The following MALRD1 variants were observed in gnomAD, a reference collection of about 807,000 sequenced individuals.
MALRD1 encodes the protein MAM and LDL receptor class A domain containing 1, also known as MAM and LDL-receptor class A domain-containing protein 1.
A neutral mutation model predicts 242.1 loss-of-function variants in MALRD1; 247 were observed. The ratio of observed to expected loss-of-function variants is 1.02; its 90% CI spans 0.92 to 1.13. The LOEUF (loss-of-function observed/expected upper bound fraction) is 1.13. MALRD1 is among the 50% of genes most tolerant of loss of function. The pLI is 0.00. For missense variants in MALRD1, 2,989 were observed against 2,533.1 expected, an observed-to-expected ratio of 1.18 and a Z score of -3.86; for synonymous variants, 995 against 866.6, an observed-to-expected ratio of 1.15 and a Z score of -2.60.
chr10:19,623,146 A>G (rs1448276846), intron 36 of MALRD1, among the ~76,000 whole-genome samples: 2 of 152,080 alleles, frequency 1.3e-5, no homozygotes, highest in Admixed American at 1.3e-4. Flanking sequence ...GATAAAGTTA[A>G]TTACATAAAA....
chr10:19,200,384 A>G (rs559219481), intron 14 of MALRD1, among the ~76,000 whole-genome samples: 2 of 152,292 alleles, frequency 1.3e-5, no homozygotes, highest in African/African-American at 4.8e-5. Flanking sequence ...TCTGTGGCTA[A>G]TACCAGAAGG....
At chr10:19,145,973 T>C (rs148794070) in intron 10 of MALRD1, among the ~76,000 whole-genome samples, 1 of 152,118 alleles carries the variant, frequency 6.6e-6, no homozygotes, top group Admixed American at 6.6e-5. Context: ...CAGAATGAAA[T>C]GTACCAGACT....
chr10:19,204,372 A>T lies in MALRD1; in HGVS notation c.2169A>T (p.Pro723=). ...SLWQVAKLQS[P]TFSQTGPGCI... is the part of the protein sequence containing the mutation. ...GGCAAGTTGCTAAGCTTCAGAGCCC[A>T]ACTTTCAGCCAGACAGGACCTGGAT... The change falls in exon 16 of 40, where the codon CCA becomes CCT. Residue 723 remains proline, a synonymous_variant. Transcript: ENST00000454679. The T allele has an allele frequency of 6.5e-7, 1 of 1,546,852 alleles. No individual in the cohort carries two copies. Among genetic ancestry groups the T allele is most frequent in the Non-Finnish European group, 8.7e-7 (1 of 1,145,600 alleles).
chr10:19,194,537 T>C (rs1413849853), intron 14 of MALRD1, among the ~76,000 whole-genome samples: 1 of 152,128 alleles, frequency 6.6e-6, no homozygotes, highest in Non-Finnish European at 1.5e-5. Flanking sequence ...ACACGAGCTG[T>C]CTGGACACTT....
chr10:19,689,790 G>C (rs1206188978), intron 36 of MALRD1, among the ~76,000 whole-genome samples: 1 of 152,004 alleles, frequency 6.6e-6, no homozygotes, highest in Admixed American at 6.6e-5. Flanking sequence ...GATTTTACAA[G>C]GAAAATTGTT....
At chr10:19,657,172 C>T (rs1241698245) in intron 36 of MALRD1, among the ~76,000 whole-genome samples, 4 of 152,142 alleles carry the variant, frequency 2.6e-5, no homozygotes, top group Admixed American at 6.6e-5. Flanking sequence ...TCCGACCCTT[C>T]GCCCACTCCC....
chr10:19,178,862 T>C (rs1320142881), intron 14 of MALRD1, among the ~76,000 whole-genome samples: 1 of 152,080 alleles, frequency 6.6e-6, no homozygotes, highest in Non-Finnish European at 1.5e-5. Context: ...CTTCGGCAAA[T>C]ATTTATATGT....
intron 8 of MALRD1, among the ~76,000 whole-genome samples, chr10:19,128,866 C>G (rs573874078): frequency 2.0e-5 from 3 of 152,196 alleles, no homozygotes; most frequent in South Asian, 4.1e-4. Context: ...TTCTTCTTCT[C>G]TCTCTCCTTG....
At chr10:19,295,464 T>G (rs573257612) in intron 21 of MALRD1, among the ~76,000 whole-genome samples, 23 of 149,228 alleles carry the variant, frequency 1.5e-4, no homozygotes, top group Non-Finnish European at 2.5e-4. Flanking sequence ...ATGTTTTGGG[T>G]GTGTGTGTGT....
intron 30 of MALRD1, among the ~76,000 whole-genome samples, chr10:19,494,597 G>GT (rs1837632101): frequency 6.6e-6 from 1 of 152,040 alleles, no homozygotes; most frequent in Non-Finnish European, 1.5e-5. Flanking sequence ...TTCACCTAAT[G>GT]GAGCTAAAAA....
intron 29 of MALRD1, among the ~76,000 whole-genome samples, chr10:19,479,264 C>A (rs571326222): frequency 6.6e-6 from 1 of 152,142 alleles, no homozygotes; most frequent in Non-Finnish European, 1.5e-5. Flanking sequence ...CATTGTATAG[C>A]ATTTCAATAT....
intron 21 of MALRD1, among the ~76,000 whole-genome samples, chr10:19,315,981 C>T (rs1460277211): frequency 6.7e-6 from 1 of 149,350 alleles, no homozygotes; most frequent in Non-Finnish European, 1.5e-5. Context: ...CCACATATAC[C>T]CATTTCATGG....
At chr10:19,084,960 C>A (rs998155338) in intron 2 of MALRD1, among the ~76,000 whole-genome samples, 1 of 151,764 alleles carries the variant, frequency 6.6e-6, no homozygotes, top group South Asian at 2.1e-4. Flanking sequence ...GCAGGCACAA[C>A]GTGGGAATTT....
chr10:19,084,398 T>G (rs1835597802), intron 2 of MALRD1, among the ~76,000 whole-genome samples: 2 of 151,980 alleles, frequency 1.3e-5, no homozygotes, highest in Non-Finnish European at 1.5e-5. Flanking sequence ...CTTGTTTTGA[T>G]GATCCATTCC....
chr10:19,711,563 G>A (rs575555830), intron 38 of MALRD1, among the ~76,000 whole-genome samples: 1 of 151,872 alleles, frequency 6.6e-6, no homozygotes, highest in Non-Finnish European at 1.5e-5. Context: ...TGATAATATG[G>A]AAGGTTGAGA....
At chr10:19,428,151 G>C (rs530125656) in intron 28 of MALRD1, among the ~76,000 whole-genome samples, 1 of 151,884 alleles carries the variant, frequency 6.6e-6, no homozygotes, top group South Asian at 2.1e-4. Context: ...TGGGCAGGGA[G>C]GCTTTGGGAG....
chr10:19,630,828 A>G (rs1404494867), intron 36 of MALRD1, among the ~76,000 whole-genome samples: 1 of 152,150 alleles, frequency 6.6e-6, no homozygotes, highest in Non-Finnish European at 1.5e-5. Flanking sequence ...ATATATTTAT[A>G]TTGACAAGTA....
At chr10:19,648,534 A>G (rs1840741064) in intron 36 of MALRD1, among the ~76,000 whole-genome samples, 1 of 152,134 alleles carries the variant, frequency 6.6e-6, no homozygotes, top group African/African-American at 2.4e-5. Context: ...TAAATGAACA[A>G]CTGAGGTCTG....
chr10:19,112,827 A>G (rs1011879506), intron 5 of MALRD1, among the ~76,000 whole-genome samples: 5 of 152,166 alleles, frequency 3.3e-5, no homozygotes, highest in Admixed American at 2.0e-4. Context: ...AAAATCAACA[A>G]TGTTTAGAAG....
Sources: allele counts gnomAD v4.1 joint callset (sites outside exome capture counted in the v4.1 genomes callset), GRCh38; gene constraint gnomAD v4.1.1; transcripts MANE v1.5; gene names NCBI Gene and HGNC (gene_info 2026-07-23, HGNC 2026-07-21).